The following DPH6 variants were observed in gnomAD, a reference collection of about 807,000 sequenced individuals.
The protein encoded by DPH6 is diphthamine biosynthesis 6.
In DPH6, 33 loss-of-function variants were observed where a neutral mutation model predicts 38.2. That is an observed-to-expected ratio of 0.86 (90% CI 0.65 to 1.15). DPH6 has a LOEUF of 1.15. Ranked by LOEUF, DPH6 falls within the 50% of genes most tolerant of loss-of-function variation. The pLI is 0.00. For missense variants in DPH6, 325 were observed against 320.0 expected, an observed-to-expected ratio of 1.02 and a Z score of -0.12; for synonymous variants, 108 against 103.0, an observed-to-expected ratio of 1.05 and a Z score of -0.30.
At chr15:35,293,380 T>C (rs942541681) in intron 3 of DPH6, among the ~76,000 whole-genome samples, 2 of 152,222 alleles carry the variant, frequency 1.3e-5, no homozygotes, top group African/African-American at 4.8e-5. Flanking sequence ...CCTTTTCCTG[T>C]ATGCCATTGA....
chr15:35,419,205 C>T (rs2053474226), intron 5 of DPH6, among the ~76,000 whole-genome samples: 3 of 151,698 alleles, frequency 2.0e-5, no homozygotes, highest in Admixed American at 2.0e-4. Flanking sequence ...TTATTTGTTC[C>T]CAGACTCCCA....
chr15:35,530,510 T>A (rs1595447023), intron 3 of DPH6, among the ~76,000 whole-genome samples: 2 of 152,276 alleles, frequency 1.3e-5, no homozygotes, highest in East Asian at 3.9e-4. Flanking sequence ...AGTCAGTTGA[T>A]AAATTTATAG....
At position 35,445,427 on chromosome 15, in the gene DPH6, T is replaced by C. The variant is rs1595568258; in HGVS notation, c.505+5258A>G. 4.0e-5 allele frequency among the ~76,000 whole-genome samples: 6 copies of C among 148,166 alleles called. No individual in the cohort carries two copies. The South Asian group carries it at 1.3e-3, about 32-fold the overall frequency. On this transcript the variant is annotated intron_variant, in intron 5 of 8. Coordinates refer to ENST00000256538, the MANE Select transcript of DPH6 (RefSeq NM_080650.4). Reference sequence around the variant, plus strand: ...AAAAAAAAAAAAGAGATCTGAATGGTAAATAGTTGACCCTTGAACATCATG... The same window carrying C: ...AAAAAAAAAAAAGAGATCTGAATGGCAAATAGTTGACCCTTGAACATCATG...
intron 3 of DPH6, among the ~76,000 whole-genome samples, chr15:35,283,694 A>G (rs1308247043): frequency 1.3e-5 from 2 of 152,002 alleles, no homozygotes; most frequent in African/African-American, 4.8e-5. Flanking sequence ...AACCTAAAGT[A>G]AAAACAATGG....
intron 3 of DPH6, among the ~76,000 whole-genome samples, chr15:35,466,081 C>T (rs1379468304): frequency 6.6e-6 from 1 of 152,094 alleles, no homozygotes; most frequent in Non-Finnish European, 1.5e-5. Flanking sequence ...CACACCTTCA[C>T]ACCCAGCTAC....
At chr15:35,361,853 A>G (rs2052617108) in intron 3 of DPH6, among the ~76,000 whole-genome samples, 1 of 150,580 alleles carries the variant, frequency 6.6e-6, no homozygotes, top group African/African-American at 2.5e-5. Flanking sequence ...TTAGTTGTTT[A>G]TTTTAATGTT....
At chr15:35,420,258 G>A (rs1295000616) in intron 5 of DPH6, among the ~76,000 whole-genome samples, 1 of 152,024 alleles carries the variant, frequency 6.6e-6, no homozygotes, top group Non-Finnish European at 1.5e-5. Context: ...CAAAAAAAAT[G>A]CGAACACAAT....
Position 35,532,368 on chromosome 15 carries a change from G to A in DPH6, c.312+5906C>T, listed in dbSNP as rs373382252. Among the ~76,000 whole-genome samples the A allele has an allele frequency of 3.3e-5, 5 of 152,274 alleles. No homozygotes were observed. In the East Asian group the frequency reaches 5.8e-4, roughly 18 times the overall value. ...AAGGCAAGTTGATTAGGAGGCTCTC[G>A]CATAGTACAGATGAAAAACCAGTAG... On this transcript the variant is annotated intron_variant, in intron 3 of 8. Transcript: ENST00000256538.
intron 3 of DPH6, among the ~76,000 whole-genome samples, chr15:35,290,831 T>C (rs11073089): frequency 0.027 from 4,045 of 152,074 alleles, 172 homozygotes; most frequent in African/African-American, 0.092. Context: ...TCAGCACATA[T>C]AATCCCAAGT....
chr15:35,436,390 A>G (rs370292803), intron 5 of DPH6, among the ~76,000 whole-genome samples: 1 of 151,736 alleles, frequency 6.6e-6, no homozygotes, highest in Non-Finnish European at 1.5e-5. Context: ...GGCGTGAACC[A>G]GGGAGGCGGA....
At position 35,519,456 on chromosome 15, in the gene DPH6, C is replaced by T. The variant is rs367550718; in HGVS notation, c.312+18818G>A. Reference sequence around the variant, plus strand: ...ACAGACAGTACAGCCTGTAAGATTCCATCTTTCTCAAATTACTCTGATGAA... The same window carrying T: ...ACAGACAGTACAGCCTGTAAGATTCTATCTTTCTCAAATTACTCTGATGAA... On this transcript the variant is annotated intron_variant, in intron 3 of 8. Coordinates refer to ENST00000256538, the MANE Select transcript of DPH6 (RefSeq NM_080650.4). 16 of 151,998 alleles carry T rather than the reference C, an allele frequency of 1.1e-4. No individual in the cohort carries two copies. In the South Asian group the frequency reaches 2.9e-3, roughly 28 times the overall value. 9.4% of individuals were successfully genotyped at this position (151,998 alleles called of 1,614,324 possible).
chr15:35,318,811 T>A (rs1278775084), intron 3 of DPH6, among the ~76,000 whole-genome samples: 1 of 152,140 alleles, frequency 6.6e-6, no homozygotes, highest in Non-Finnish European at 1.5e-5. Context: ...GTATAATGTA[T>A]TTGGAATAGT....
At chr15:35,505,458 C>A (rs1050819844) in intron 3 of DPH6, among the ~76,000 whole-genome samples, 1 of 152,028 alleles carries the variant, frequency 6.6e-6, no homozygotes, top group African/African-American at 2.4e-5. Flanking sequence ...ACAATAAGGT[C>A]AATTAAATTT....
chr15:35,414,480 T>C (rs1173704064), intron 5 of DPH6, among the ~76,000 whole-genome samples: 2 of 151,870 alleles, frequency 1.3e-5, no homozygotes, highest in Non-Finnish European at 2.9e-5. Context: ...CATGTTTATT[T>C]TAATTAGTAC....
chr15:35,334,194 T>TA (rs2052349486), intron 3 of DPH6, among the ~76,000 whole-genome samples: 2 of 152,034 alleles, frequency 1.3e-5, no homozygotes, highest in African/African-American at 4.8e-5. Context: ...AAACATTTTT[T>TA]AAAAAAAGGT....
intron 7 of DPH6, 113 bp downstream of exon 7, chr15:35,381,709 C>A: frequency 1.3e-6 from 1 of 777,318 alleles, no homozygotes; most frequent in Non-Finnish European, 2.2e-6. Context: ...TGTTTGTGAA[C>A]TTAGAAGACA....
At chr15:35,441,785 T>A (rs1043967640) in intron 5 of DPH6, among the ~76,000 whole-genome samples, 1 of 125,860 alleles carries the variant, frequency 7.9e-6, no homozygotes, top group Non-Finnish European at 1.6e-5. Flanking sequence ...GTTCTGCACG[T>A]GTATCCCAGA....
At chr15:35,208,051 T>A in the DPH6 span, among the ~76,000 whole-genome samples, 11 of 152,292 alleles carry the variant, frequency 7.2e-5, no homozygotes, top group African/African-American at 2.6e-4. Context: ...GAAACTCATA[T>A]TAAATTGGGA....
At chr15:35,260,801 G>T (rs1297060580) in intron 3 of DPH6, among the ~76,000 whole-genome samples, 1 of 152,042 alleles carries the variant, frequency 6.6e-6, no homozygotes, top group African/African-American at 2.4e-5. Context: ...ATTTCAGAAA[G>T]CCTCTCAATT....
Sources: allele counts gnomAD v4.1 joint callset (sites outside exome capture counted in the v4.1 genomes callset), GRCh38; gene constraint gnomAD v4.1.1; transcripts MANE v1.5; gene names NCBI Gene and HGNC (gene_info 2026-07-23, HGNC 2026-07-21).